Variants in PHLDB1 observed in about 807,000 individuals in gnomAD.
The protein encoded by PHLDB1 is pleckstrin homology like domain family B member 1.
A neutral mutation model predicts 139.3 loss-of-function variants in PHLDB1; 65 were observed. That is an observed-to-expected ratio of 0.47 (90% confidence interval 0.38 to 0.57). The LOEUF is 0.57. Ranked by LOEUF, PHLDB1 falls within the 20% of genes least tolerant of loss-of-function variation. PHLDB1 has a pLI of 0.00. For synonymous variants in PHLDB1, 679 were observed against 734.5 expected (o/e 0.92, Z 1.22); for missense variants, 1,624 against 1,839.7 (o/e 0.88, Z 2.14).
chr11:118,645,552 G>A lies in PHLDB1; in HGVS notation c.3318G>A (p.Glu1106=). 1.2e-6 allele frequency: 2 copies of A among 1,613,512 alleles called. No individual in the cohort carries two copies. The highest frequency in any genetic ancestry group is 1.7e-6 in the Non-Finnish European group (2 of 1,179,752). The change falls in exon 16 of 23, where the codon GAG becomes GAA. Residue 1106 remains glutamate (E), a synonymous_variant. Transcript: ENST00000600882. This position sits in a 1 kb window ranked among gnomAD's most constrained non-coding sequence, Gnocchi z 5.1. ...PAGRERGEEG[E]HAYDTLSLES... ...GGCGGGAGCGTGGGGAGGAGGGTGAGCACGCCTATGATACGCTGAGTCTGG... is the reference window on the plus strand; with the variant it reads ...GGCGGGAGCGTGGGGAGGAGGGTGAACACGCCTATGATACGCTGAGTCTGG...
At chr11:118,648,193 T>G in intron 18 of PHLDB1, 117 bp downstream of exon 18, 2 of 1,050,610 alleles carry the variant, frequency 1.9e-6, no homozygotes. Flanking sequence ...CAGAAAAGAT[T>G]GCTGTTGGCT....
intron 4 of PHLDB1, among the ~76,000 whole-genome samples, chr11:118,622,264 C>T (rs1220399350): frequency 6.6e-6 from 1 of 152,236 alleles, no homozygotes; most frequent in African/African-American, 2.4e-5. Flanking sequence ...TGGGAGTGGG[C>T]AGAGAGGAGG....
At position 118,657,446 on chromosome 11, in the gene PHLDB1, G is replaced by A. The variant is rs1250316716; in HGVS notation, c.*623G>A. The A allele has an allele frequency of 6.5e-6, 1 of 152,910 alleles. No homozygotes were observed. Among genetic ancestry groups the A allele is most frequent in the African/African-American group, 2.4e-5 (1 of 41,424 alleles). 9.5% of individuals were successfully genotyped at this position (152,910 alleles called of 1,614,324 possible). On this transcript the variant is annotated 3_prime_UTR_variant, in exon 23 of 23. Transcript: ENST00000600882. ...TGGCCCAGCCCACTGCTTCAGCTGT[G>A]GGCCATCTGAGGGTACGTGCCATCA...
chr11:118,635,466 G>A lies in PHLDB1; in HGVS notation c.2453G>A (p.Arg818His). Residue 818 changes from arginine to histidine, a missense_variant, in exon 10 of 23, where the codon CGC becomes CAC. Arg to His is a conservative substitution (Grantham distance 29, BLOSUM62 0). Transcript: ENST00000600882. Reference protein sequence around the residue: ...LEFQQLERESRVEEERELAGQ... With the variant: ...LEFQQLERESHVEEERELAGQ... Reference sequence around the variant, plus strand: ...TTCCAGCAGTTGGAGCGGGAGAGCCGCGTGGAGGAGGAGCGCGAGCTGGCC... The same window carrying A: ...TTCCAGCAGTTGGAGCGGGAGAGCCACGTGGAGGAGGAGCGCGAGCTGGCC... 1 of 1,611,868 alleles carries A rather than the reference G, an allele frequency of 6.2e-7. No individual in the cohort carries two copies. The highest frequency in any genetic ancestry group is 8.5e-7 in the Non-Finnish European group (1 of 1,179,246).
intron 20 of PHLDB1, chr11:118,655,358 G>T (rs1555140913): frequency 7.9e-6 from 3 of 380,824 alleles, no homozygotes; most frequent in Non-Finnish European, 1.4e-5. Flanking sequence ...GTATGTTTTT[G>T]TCATTGGGGT....
At chr11:118,613,658 C>A in intron 1 of PHLDB1, 158 bp from the exon 2 acceptor site, 1 of 591,372 alleles carries the variant, frequency 1.7e-6, no homozygotes, top group East Asian at 3.2e-5. Context: ...CAACTCCCAC[C>A]CAAGCTCTTT....
chr11:118,644,302 G>C, intron 15 of PHLDB1, 128 bp downstream of exon 15: 1 of 680,220 alleles, frequency 1.5e-6, no homozygotes, highest in Admixed American at 2.5e-5. Flanking sequence ...AGACCAGAAA[G>C]GATTTAGAGT....
chr11:118,632,241 A>G lies in PHLDB1; in HGVS notation c.2324A>G (p.Gln775Arg). 1 of 1,613,926 alleles carries G rather than the reference A, an allele frequency of 6.2e-7. No individual in the cohort carries two copies. The highest frequency in any genetic ancestry group is 8.5e-7 in the Non-Finnish European group (1 of 1,180,012). ...CAGAAGGAGCAGAAGGCAGTGGATCAGCTGCAGGAGAAGCTGGTGGCCTTG... is the reference window on the plus strand; with the variant it reads ...CAGAAGGAGCAGAAGGCAGTGGATCGGCTGCAGGAGAAGCTGGTGGCCTTG... The part of the protein sequence containing the change: ...LLQKEQKAVD[Q>R]LQEKLVALET... The change falls in exon 9 of 23, where the codon CAG becomes CGG. Residue 775 changes from glutamine (Q) to arginine (R), a missense_variant. Gln to Arg is a conservative substitution (Grantham distance 43). Transcript: ENST00000600882. This position sits in a 1 kb window ranked among gnomAD's most constrained non-coding sequence, Gnocchi z 5.9.
rs921555457 is a variant in PHLDB1 at position 118,643,839 on chromosome 11, C to G, written c.2917C>G (p.Leu973Val). The G allele has an allele frequency of 6.2e-7, 1 of 1,614,084 alleles. No homozygotes were observed. Among genetic ancestry groups the G allele is most frequent in the African/African-American group, 1.3e-5 (1 of 75,056 alleles). ...GATGGATGGCGAGGCCACCAGCCCC[C>G]TTCCCCGGACCCGCAGCGGCCCCCT... ...SKMDGEATSPLPRTRSGPLPS... is the reference protein window; with the variant it reads ...SKMDGEATSPVPRTRSGPLPS... Residue 973 changes from leucine to valine, a missense_variant, in exon 14 of 23, where the codon CTT becomes GTT. By Grantham distance (32) the Leu-to-Val change is conservative (BLOSUM62 1). Coordinates refer to ENST00000600882, the MANE Select transcript of PHLDB1 (RefSeq NM_001144758.3).
At chr11:118,634,081 CCA>C (rs1426301362) in intron 9 of PHLDB1, 2 of 152,374 alleles carry the variant, frequency 1.3e-5, no homozygotes, top group East Asian at 3.9e-4. Context: ...GAATCAGTAA[CCA>C]CAGTTTCTCC....
intron 10 of PHLDB1, among the ~76,000 whole-genome samples, chr11:118,635,761 A>T (rs1276749533): frequency 6.6e-6 from 1 of 152,262 alleles, no homozygotes; most frequent in Non-Finnish European, 1.5e-5. Flanking sequence ...AATAACTATT[A>T]TTAAGCTCTG....
rs192987257 is a variant in PHLDB1, at chr11:118,629,763, G to T, written c.1827+1113G>T. On this transcript the variant is annotated intron_variant, in intron 6 of 22. Transcript: ENST00000600882. ...GGAATGCATGGCCATTCTAAGCTGG[G>T]GTCTCATCCTGGAGAGGGGGCAGTG... 3.9e-3 allele frequency among the ~76,000 whole-genome samples: 588 copies of T among 152,228 alleles called. 18 individuals are homozygous for T. Among genetic ancestry groups the T allele is most frequent in the Admixed American group, 0.038 (574 of 15,292 alleles).
chr11:118,626,684 CT>C (rs1270831513), intron 5 of PHLDB1, among the ~76,000 whole-genome samples: 3 of 146,508 alleles, frequency 2.0e-5, no homozygotes, highest in African/African-American at 2.5e-5. Context: ...CGCCTGGCCT[CT>C]TTTTTTTTTG....
At chr11:118,655,530 C>A in intron 20 of PHLDB1, 75 bp from the exon 21 acceptor site, 1 of 898,560 alleles carries the variant, frequency 1.1e-6, no homozygotes, top group Non-Finnish European at 1.8e-6. Context: ...GAAGCTCAGG[C>A]CATGGAGCTC....
Position 118,628,095 on chromosome 11 carries a change from G to T in PHLDB1, c.1272G>T (p.Leu424=), listed in dbSNP as rs782683602. 18 of 1,614,012 alleles carry T rather than the reference G, an allele frequency of 1.1e-5. No individual in the cohort carries two copies. Among genetic ancestry groups the T allele is most frequent in the Non-Finnish European group, 1.4e-5 (17 of 1,180,008 alleles). Residue 424 remains leucine (L), a synonymous_variant, in exon 6 of 23, where the codon CTG becomes CTT. Coordinates refer to ENST00000600882, the MANE Select transcript of PHLDB1 (RefSeq NM_001144758.3). ...TAACAACCAGCCCCTCACGCCAACT[G>T]GTGGGCCGAACATTTTCAGATGGGT... ...RVLTTSPSRQ[L]VGRTFSDGLA...
Position 118,650,551 on chromosome 11 carries a change from A to C in PHLDB1, c.3874+4A>C. On this transcript the variant is annotated splice_donor_region_variant and intron_variant, in intron 20 of 22. Transcript: ENST00000600882. This position sits in a 1 kb window ranked among gnomAD's most constrained non-coding sequence, Gnocchi z 4.7. The stretch of plus-strand genomic sequence containing the variant: ...CGCACCCTTTCCTATTATGTGGGTG[A>C]GTTCCCACAAGGCCACCCTGGGGGC... The C allele has an allele frequency of 6.3e-7, 1 of 1,591,820 alleles. No homozygotes were observed. Among genetic ancestry groups the C allele is most frequent in the Non-Finnish European group, 8.6e-7 (1 of 1,159,660 alleles).
chr11:118,607,425 C>T (rs1256314697), upstream of PHLDB1, among the ~76,000 whole-genome samples: 2 of 120,678 alleles, frequency 1.7e-5, no homozygotes, highest in Non-Finnish European at 3.4e-5. Context: ...ACAAAGCGGG[C>T]GCTGTGCAGG....
At chr11:118,641,399 G>A (rs1946492364) in intron 12 of PHLDB1, 3 of 189,988 alleles carry the variant, frequency 1.6e-5, no homozygotes, top group Non-Finnish European at 3.3e-5. Flanking sequence ...TTTTCCCTGG[G>A]GCCTTGGGAG....
rs1272410386 is a variant in PHLDB1 at position 118,656,940 on chromosome 11, A to G, written c.*117A>G. 2.3e-5 allele frequency: 21 copies of G among 922,718 alleles called. No homozygotes were observed. Among genetic ancestry groups the G allele is most frequent in the Admixed American group, 5.5e-5 (2 of 36,268 alleles). 57.2% of individuals were successfully genotyped at this position (922,718 alleles called of 1,614,324 possible). A position where few individuals can be genotyped will look rare whatever the true frequency, so the allele number is the denominator to read the frequency against. On this transcript the variant is annotated 3_prime_UTR_variant, in exon 23 of 23. Coordinates refer to ENST00000600882, the MANE Select transcript of PHLDB1 (RefSeq NM_001144758.3). ...GCTCTGGCCTCCTGAAGAACCAGCC[A>G]GAAGAAGAAAAGTAGAGGTGGCTTT...
Sources: gnomAD v4.1 joint callset for allele counts (sites outside exome capture counted in the v4.1 genomes callset) on GRCh38, gnomAD v4.1.1 for gene constraint, Gnocchi (gnomAD v3.1) non-coding constraint, MANE v1.5 for transcripts, NCBI Gene and HGNC (gene_info 2026-07-23, HGNC 2026-07-21) for gene names.